The following TNK2 variants were observed in gnomAD, a reference collection of about 807,000 sequenced individuals.
TNK2 encodes the protein tyrosine kinase non receptor 2.
Under a neutral mutation model 101.8 loss-of-function variants are expected in TNK2, and 83 were observed. The observed-to-expected ratio is 0.82, with a 90% CI of 0.68 to 0.98. The LOEUF is 0.98. Among genes scored for constraint, TNK2 ranks in the 50% least tolerant of loss-of-function variants. The pLI is 0.00. For synonymous variants in TNK2, 804 were observed against 633.0 expected (o/e 1.27, Z -4.06); for missense variants, 1,665 against 1,483.2 (o/e 1.12, Z -2.01).
chr3:195,896,252 G>A (rs73205797), intron 1 of TNK2: 4,340 of 387,488 alleles, frequency 0.011, 52 homozygotes, highest in Middle Eastern at 0.012. Flanking sequence ...AGCAGCCACT[G>A]ACTCTTTAGT....
intron 1 of TNK2, among the ~76,000 whole-genome samples, chr3:195,907,218 AGGCACCGT>A (rs1645358056): frequency 6.6e-6 from 1 of 152,246 alleles, no homozygotes; most frequent in African/African-American, 2.4e-5. Flanking sequence ...CAGAAGCGTC[AGGCACCGT>A]GGGCACAGCA....
chr3:195,887,061 G>A lies in TNK2; in HGVS notation c.164-14C>T, dbSNP rs371764654. ...GCCGCCGCTGGCCTGCAGGGAGAGC[G>A]GGGAACCGCGTGCTGTGAAGGCCGC... On this transcript the variant is annotated splice_polypyrimidine_tract_variant and intron_variant, in intron 2 of 15. Coordinates refer to ENST00000672887, the MANE Select transcript of TNK2 (RefSeq NM_001382273.1). 24 of 1,610,854 alleles carry A rather than the reference G, an allele frequency of 1.5e-5. No homozygotes were observed. The highest frequency in any genetic ancestry group is 6.6e-5 in the South Asian group (6 of 90,454).
In TNK2 at chr3:195,882,055, C is replaced by A; in HGVS notation, c.883G>T (p.Ala295Ser). The A allele has an allele frequency of 6.2e-7, 1 of 1,607,240 alleles. No homozygotes were observed. The highest frequency in any genetic ancestry group is 1.1e-5 in the South Asian group (1 of 90,838). ...VMQEHRKVPF[A>S]WCAPESLKTR... is the part of the protein sequence containing the mutation. The stretch of plus-strand genomic sequence containing the variant: ...CTGGCAGCACCTGCCCCTCACCAGG[C>A]GAAGGGCACCTTGCGATGTTCCTGC... Residue 295 changes from alanine to serine, a missense_variant, in exon 6 of 16, where the codon GCC becomes TCC. Coordinates refer to ENST00000672887, the MANE Select transcript of TNK2 (RefSeq NM_001382273.1). This position sits in a 1 kb window ranked among gnomAD's most constrained non-coding sequence, Gnocchi z 4.2.
chr3:195,887,757 G>A (rs1024517989), intron 2 of TNK2, among the ~76,000 whole-genome samples: 1 of 148,004 alleles, frequency 6.8e-6, no homozygotes, highest in South Asian at 2.1e-4. Flanking sequence ...GCACACGCGT[G>A]TGCGCACGTG....
At position 195,888,576 on chromosome 3, in the gene TNK2, C is replaced by T; in HGVS notation, c.13G>A (p.Glu5Lys). The stretch of plus-strand genomic sequence containing the variant: ...AGCTCCAGCAGCCAGCCTGTGCCCT[C>T]CTCTGGCTGCATTCTGCCGCCTCCC... MQPE[E>K]GTGWLLELLS... The change falls in exon 2 of 16, where the codon GAG becomes AAG. Residue 5 changes from glutamate to lysine, a missense_variant. Physicochemically the swap from Glu to Lys is moderately conservative, Grantham distance 56 (BLOSUM62 1). Coordinates refer to ENST00000672887, the MANE Select transcript of TNK2 (RefSeq NM_001382273.1). The surrounding 1 kb of genome is among the most constrained non-coding windows in gnomAD (Gnocchi z 5.3). 1.9e-6 allele frequency: 3 copies of T among 1,611,584 alleles called. No individual in the cohort carries two copies. In the South Asian group the frequency reaches 3.3e-5, roughly 18 times the overall value.
chr3:195,881,902 G>T, intron 6 of TNK2, 149 bp downstream of exon 6: 3 of 898,502 alleles, frequency 3.3e-6, no homozygotes, highest in Non-Finnish European at 1.6e-6. Context: ...GATGGTGAGC[G>T]AATGGGTGCA....
chr3:195,872,534 T>TC, intron 9 of TNK2, 64 bp from the exon 10 acceptor site: 1 of 1,494,574 alleles, frequency 6.7e-7, no homozygotes, highest in Non-Finnish European at 9.0e-7. Flanking sequence ...ACTGGGACCC[T>TC]CCTCACACCC....
At chr3:195,871,957 AGAACCCTCCCC>A (rs1745673808) in intron 10 of TNK2, among the ~76,000 whole-genome samples, 1 of 124,698 alleles carries the variant, frequency 8.0e-6, no homozygotes, top group African/African-American at 2.9e-5. Context: ...ATTCCCCTGG[AGAACCCTCCCC>A]TGGAGAACCC....
chr3:195,868,093 A>G lies in TNK2; in HGVS notation c.2205T>C (p.Ala735=). 1.2e-6 allele frequency: 2 copies of G among 1,610,438 alleles called. 1 individual carries two copies. The highest frequency in any genetic ancestry group is 4.5e-5 in the East Asian group (2 of 44,774). The change falls in exon 13 of 16, where the codon GCT becomes GCC. Residue 735 remains alanine, a synonymous_variant. Coordinates refer to ENST00000672887, the MANE Select transcript of TNK2 (RefSeq NM_001382273.1). ...LQQECMRQLQ[A]PAGSPAPSPS... ...GAGAGGGGGCCGGGGAGCCGGCCGG[A>G]GCCTGCAGTTGCCTCATGCACTCCT...
At chr3:195,899,486 C>A (rs779557009) in intron 1 of TNK2, among the ~76,000 whole-genome samples, 1 of 152,050 alleles carries the variant, frequency 6.6e-6, no homozygotes, top group African/African-American at 2.4e-5. Flanking sequence ...GCCACCACGC[C>A]CAGCTAATTT....
In TNK2 at chr3:195,886,833, T is replaced by C. The variant is rs974848111; in HGVS notation, c.234+144A>G. On this transcript the variant is annotated intron_variant, in intron 3 of 15. Coordinates refer to ENST00000672887, the MANE Select transcript of TNK2 (RefSeq NM_001382273.1). This position sits in a 1 kb window ranked among gnomAD's most constrained non-coding sequence, Gnocchi z 4.2. ...ACAAGTGCCCTGCCCGATAAGACCC[T>C]GGACGAGGGGGTCCTGTACAAAGTG... is the stretch of plus-strand genomic sequence containing the variant. 1.4e-5 allele frequency: 12 copies of C among 871,500 alleles called. No homozygotes were observed. Among genetic ancestry groups the C allele is most frequent in the Non-Finnish European group, 2.3e-5 (12 of 524,894 alleles). 54.0% of individuals were successfully genotyped at this position (871,500 alleles called of 1,614,324 possible). A position where few individuals can be genotyped will look rare whatever the true frequency, so the allele number is the denominator to read the frequency against.
In TNK2 at chr3:195,883,180, C is replaced by T. The variant is rs1017432613; in HGVS notation, c.586G>A (p.Val196Met). The change falls in exon 5 of 16, where the codon GTG (valine) becomes ATG (methionine). Residue 196 changes from valine (V) to methionine (M), a missense_variant. Coordinates refer to ENST00000672887, the MANE Select transcript of TNK2 (RefSeq NM_001382273.1). Reference sequence around the variant, plus strand: ...ACCATCTTCATGGGCGGCGTGAGCACCACCCCGTAGAGGCGGATGAGGTTT... The same window carrying T: ...ACCATCTTCATGGGCGGCGTGAGCATCACCCCGTAGAGGCGGATGAGGTTT... The part of the protein sequence containing the change: ...HRNLIRLYGV[V>M]LTPPMKMVTE... 2 of 1,607,888 alleles carry T rather than the reference C, an allele frequency of 1.2e-6. No individual in the cohort carries two copies. Among genetic ancestry groups the T allele is most frequent in the African/African-American group, 1.3e-5 (1 of 75,026 alleles).
At position 195,863,995 on chromosome 3, in the gene TNK2, C is replaced by A. The variant is rs1310597421; in HGVS notation, c.*186G>T. Reference sequence around the variant, plus strand: ...ACTGAACCAAAGTGTGCAGGGACAGCGCTGGTGCAGGAGGGATGGGCAGGG... The same window carrying A: ...ACTGAACCAAAGTGTGCAGGGACAGAGCTGGTGCAGGAGGGATGGGCAGGG... On this transcript the variant is annotated 3_prime_UTR_variant, in exon 16 of 16. Transcript: ENST00000672887. 4.3e-6 allele frequency: 3 copies of A among 694,714 alleles called. No individual in the cohort carries two copies. The African/African-American group carries it at 5.4e-5, about 12-fold the overall frequency. The allele number at this position is 694,714 out of a possible 1,614,324, so 43.0% of individuals were successfully genotyped here. A position where few individuals can be genotyped will look rare whatever the true frequency, so the allele number is the denominator to read the frequency against.
At chr3:195,905,968 T>C (rs1253420498) in intron 1 of TNK2, among the ~76,000 whole-genome samples, 1 of 152,082 alleles carries the variant, frequency 6.6e-6, no homozygotes, top group African/African-American at 2.4e-5. Context: ...CAAGAACTCT[T>C]CAGAACTCAA....
intron 1 of TNK2, among the ~76,000 whole-genome samples, chr3:195,896,574 T>A (rs1408066768): frequency 6.6e-6 from 1 of 152,194 alleles, no homozygotes; most frequent in Non-Finnish European, 1.5e-5. Flanking sequence ...CGGGAGACTG[T>A]AGAAGGCAAG....
rs771463435 is a variant in TNK2, at chr3:195,867,612, T to C, written c.2686A>G (p.Ser896Gly). The change falls in exon 13 of 16, where the codon AGC becomes GGC. Residue 896 changes from serine to glycine, a missense_variant. Ser to Gly is a moderately conservative substitution (Grantham distance 56, BLOSUM62 0). Coordinates refer to ENST00000672887, the MANE Select transcript of TNK2 (RefSeq NM_001382273.1). The stretch of plus-strand genomic sequence containing the variant: ...GGCAGGGGGGTAGGCTCCTCGGGGC[T>C]CTGGGCCTCACGCAGGAAGCGCTGG... ...RYQRFLREAQ[S>G]PEEPTPLPVP... 5.6e-6 allele frequency: 9 copies of C among 1,597,818 alleles called. No homozygotes were observed. In the South Asian group the frequency reaches 8.8e-5, roughly 16 times the overall value.
rs1419552723 is a variant in TNK2, at chr3:195,886,537, T to C, written c.234+440A>G. Among the ~76,000 whole-genome samples, 1 of 152,016 alleles carries C rather than the reference T, an allele frequency of 6.6e-6. No homozygotes were observed. The highest frequency in any genetic ancestry group is 1.5e-5 in the Non-Finnish European group (1 of 68,000). On this transcript the variant is annotated intron_variant, in intron 3 of 15. Transcript: ENST00000672887. This position sits in a 1 kb window ranked among gnomAD's most constrained non-coding sequence, Gnocchi z 4.2. ...GGGGACAGGCTGTGGGGAAGGAAGC[T>C]GTCAGCAGGGACAGATGACCAGAGA...
At chr3:195,901,368 G>C (rs1761189424) in intron 1 of TNK2, among the ~76,000 whole-genome samples, 1 of 152,206 alleles carries the variant, frequency 6.6e-6, no homozygotes, top group African/African-American at 2.4e-5. Flanking sequence ...CAGGGTACCA[G>C]AGAAGAGGCC....
rs55752178 is a variant in TNK2 at position 195,871,918 on chromosome 3, C to T, written c.1451+358G>A. On this transcript the variant is annotated intron_variant, in intron 10 of 15. Coordinates refer to ENST00000672887, the MANE Select transcript of TNK2 (RefSeq NM_001382273.1). ...CCTGGAGAACGCTCCCCGGAGAACC[C>T]TCCCCTGGAGAACCCTCCCCTGGAG... 4.7e-5 allele frequency among the ~76,000 whole-genome samples: 7 copies of T among 148,328 alleles called. No homozygotes were observed. The East Asian group carries it at 1.2e-3, about 25-fold the overall frequency.
Sources: allele counts gnomAD v4.1 joint callset (sites outside exome capture counted in the v4.1 genomes callset), GRCh38; gene constraint gnomAD v4.1.1; non-coding constraint Gnocchi (gnomAD v3.1); transcripts MANE v1.5; gene names NCBI Gene and HGNC (gene_info 2026-07-23, HGNC 2026-07-21).